Variants in WWOX observed in about 807,000 individuals in gnomAD.
WWOX encodes WW domain containing oxidoreductase, also known as WW domain-containing oxidoreductase.
In WWOX, 69 loss-of-function variants were observed where a neutral mutation model predicts 46.2. The observed-to-expected ratio is 1.49, with a 90% CI of 1.23 to 1.82. The LOEUF (loss-of-function observed/expected upper bound fraction) is 1.82, where lower values mean the gene tolerates loss of function less well. Among genes scored for constraint, WWOX ranks in the 40% most tolerant of loss-of-function variants. The pLI, the probability that WWOX is intolerant of heterozygous loss-of-function variation, is 0.00. For missense variants in WWOX, 919 were observed against 542.6 expected (o/e 1.69, Z -6.89); for synonymous variants, 359 against 202.6 (o/e 1.77, Z -6.56).
intron 8 of WWOX, among the ~76,000 whole-genome samples, chr16:78,555,653 C>G (rs1233379045): frequency 1.3e-5 from 2 of 149,526 alleles, no homozygotes; most frequent in African/African-American, 4.9e-5. Flanking sequence ...GGGCTTTAGT[C>G]CTCTTATGAG....
At chr16:78,900,673 A>G (rs1209998796) in intron 8 of WWOX, among the ~76,000 whole-genome samples, 1 of 152,210 alleles carries the variant, frequency 6.6e-6, no homozygotes, top group African/African-American at 2.4e-5. Flanking sequence ...ATTACTCATC[A>G]GATCATATGT....
chr16:78,832,065 A>C (rs897913880), intron 8 of WWOX, among the ~76,000 whole-genome samples: 2 of 151,912 alleles, frequency 1.3e-5, no homozygotes, highest in African/African-American at 4.8e-5. Flanking sequence ...TTAGAATCTC[A>C]TTGTCTTTGT....
intron 6 of WWOX, among the ~76,000 whole-genome samples, chr16:78,391,426 G>C (rs775824252): frequency 2.6e-5 from 4 of 152,198 alleles, no homozygotes; most frequent in Non-Finnish European, 5.9e-5. Flanking sequence ...TTCTCAACTT[G>C]AGCAAGTAGG....
At chr16:79,086,081 G>T (rs17727650) in intron 8 of WWOX, among the ~76,000 whole-genome samples, 1 of 151,110 alleles carries the variant, frequency 6.6e-6, no homozygotes, top group African/African-American at 2.4e-5. Flanking sequence ...CCAAAAAAAA[G>T]AGCAGTATAG....
chr16:78,902,208 T>G (rs2151243339), intron 8 of WWOX, among the ~76,000 whole-genome samples: 1 of 152,334 alleles, frequency 6.6e-6, no homozygotes, highest in African/African-American at 2.4e-5. Context: ...GAAACCATCC[T>G]GTGTGCTGTA....
chr16:78,511,021 G>A (rs996909438), intron 8 of WWOX, among the ~76,000 whole-genome samples: 15 of 152,228 alleles, frequency 9.9e-5, no homozygotes, highest in African/African-American at 3.1e-4. Flanking sequence ...AAGCCACCTG[G>A]CATAGTGGGC....
At chr16:78,915,344 G>A (rs7206265) in intron 8 of WWOX, among the ~76,000 whole-genome samples, 47,893 of 152,000 alleles carry the variant, frequency 0.32, 8,794 homozygotes, top group East Asian at 0.47. Context: ...GTGTGTCTGC[G>A]ATTCAAAAGA....
chr16:78,737,557 C>G (rs2049119949), intron 8 of WWOX, among the ~76,000 whole-genome samples: 1 of 152,060 alleles, frequency 6.6e-6, no homozygotes, highest in East Asian at 1.9e-4. Flanking sequence ...ATACTGTAGC[C>G]AATATGTAGT....
At chr16:78,637,926 G>A (rs1462821584) in intron 8 of WWOX, among the ~76,000 whole-genome samples, 1 of 152,122 alleles carries the variant, frequency 6.6e-6, no homozygotes. Context: ...TCCTTCCTCT[G>A]AGTTGGGGGA....
chr16:78,477,178 A>G (rs915069539), intron 8 of WWOX, among the ~76,000 whole-genome samples: 6 of 152,190 alleles, frequency 3.9e-5, no homozygotes, highest in African/African-American at 1.4e-4. Context: ...CGAAGCAGCA[A>G]GAGTAGTCAC....
chr16:79,068,217 G>T (rs72795655), intron 8 of WWOX, among the ~76,000 whole-genome samples: 2,452 of 152,264 alleles, frequency 0.016, 29 homozygotes, highest in Middle Eastern at 0.044. Context: ...TAGTAGCAAC[G>T]GTAACTAATG....
intron 8 of WWOX, among the ~76,000 whole-genome samples, chr16:78,770,758 C>A (rs1197040381): frequency 6.7e-6 from 1 of 149,548 alleles, no homozygotes; most frequent in East Asian, 2.0e-4. Context: ...GCGCCCTCTA[C>A]TGGCGAAGCT....
intron 8 of WWOX, among the ~76,000 whole-genome samples, chr16:78,922,502 C>T (rs906186699): frequency 1.3e-5 from 2 of 151,794 alleles, no homozygotes; most frequent in African/African-American, 4.8e-5. Context: ...CCTCAGCCTC[C>T]TGAGTCACTG....
At chr16:78,223,157 C>A (rs1031444900) in intron 5 of WWOX, among the ~76,000 whole-genome samples, 1 of 152,296 alleles carries the variant, frequency 6.6e-6, no homozygotes, top group Admixed American at 6.5e-5. Context: ...TTGCCTTTCT[C>A]ACTGTGTACA....
chr16:78,321,007 T>C (rs564255638), intron 5 of WWOX, among the ~76,000 whole-genome samples: 2 of 152,164 alleles, frequency 1.3e-5, no homozygotes, highest in African/African-American at 4.8e-5. Flanking sequence ...ATTTATAATG[T>C]ACTCACACCT....
At chr16:78,806,301 T>TC (rs1190667158) in intron 8 of WWOX, among the ~76,000 whole-genome samples, 7 of 152,204 alleles carry the variant, frequency 4.6e-5, no homozygotes, top group Non-Finnish European at 1.0e-4. Flanking sequence ...ATTTCCCTAT[T>TC]CTTTAGAGTT....
intron 5 of WWOX, among the ~76,000 whole-genome samples, chr16:78,334,810 A>G (rs74029900): frequency 0.5 from 66,317 of 132,236 alleles, 16,202 homozygotes; most frequent in Non-Finnish European, 0.57. Context: ...ACACACACGC[A>G]CACACACACA....
intron 8 of WWOX, among the ~76,000 whole-genome samples, chr16:78,998,809 T>G (rs1164664134): frequency 6.6e-6 from 1 of 152,240 alleles, no homozygotes; most frequent in African/African-American, 2.4e-5. Context: ...GACCTTCAGG[T>G]GCATCTCTAA....
intron 5 of WWOX, among the ~76,000 whole-genome samples, chr16:78,229,604 G>T (rs144480239): frequency 6.6e-6 from 1 of 151,532 alleles, no homozygotes; most frequent in Non-Finnish European, 1.5e-5. Flanking sequence ...AGCTTGAGGC[G>T]ATGGTAGTTT....
Sources: allele counts gnomAD v4.1 joint callset (sites outside exome capture counted in the v4.1 genomes callset), GRCh38; gene constraint gnomAD v4.1.1; transcripts MANE v1.5; gene names NCBI Gene and HGNC (gene_info 2026-07-23, HGNC 2026-07-21).